The following DNAH6 variants were observed in gnomAD, a reference collection of about 807,000 sequenced individuals.
The protein encoded by DNAH6 is dynein axonemal heavy chain 6.
In DNAH6, 340 loss-of-function variants were observed where a neutral mutation model predicts 491.4. The observed-to-expected ratio is 0.69, with a 90% CI of 0.63 to 0.76. DNAH6 has a LOEUF of 0.76. Among genes scored for constraint, DNAH6 ranks in the 30% least tolerant of loss-of-function variants. DNAH6 has a pLI of 0.00. For missense variants in DNAH6, 4,443 were observed against 4,972.2 expected (o/e 0.89, Z 3.20); for synonymous variants, 1,603 against 1,686.1 (o/e 0.95, Z 1.21).
intron 26 of DNAH6, among the ~76,000 whole-genome samples, chr2:84,621,892 A>G (rs564836948): frequency 6.6e-6 from 1 of 152,320 alleles, no homozygotes; most frequent in South Asian, 2.1e-4. Context: ...CAGTCCAGGA[A>G]AACCTCCAGA....
At chr2:84,658,178 T>C in intron 35 of DNAH6, 114 bp from the exon 36 acceptor site, 1 of 651,646 alleles carries the variant, frequency 1.5e-6, no homozygotes, top group Non-Finnish European at 2.4e-6. Context: ...AGTTATAGCC[T>C]TTGGTCTAAA....
chr2:84,652,956 A>C (rs575683262), intron 33 of DNAH6, among the ~76,000 whole-genome samples: 1 of 151,892 alleles, frequency 6.6e-6, no homozygotes, highest in Non-Finnish European at 1.5e-5. Flanking sequence ...TAAATTTTTA[A>C]GTGAGATATT....
At chr2:84,528,113 G>A (rs1229801249) in intron 3 of DNAH6, among the ~76,000 whole-genome samples, 1 of 152,094 alleles carries the variant, frequency 6.6e-6, no homozygotes, top group Non-Finnish European at 1.5e-5. Flanking sequence ...GGCACTGAGA[G>A]CACAGACAGT....
At chr2:84,720,033 A>T (rs1381484975) in intron 59 of DNAH6, among the ~76,000 whole-genome samples, 2 of 152,126 alleles carry the variant, frequency 1.3e-5, no homozygotes, top group Non-Finnish European at 2.9e-5. Flanking sequence ...GGGGTCTGAG[A>T]GGAGAAGGGC....
At chr2:84,650,316 A>C (rs1189877035) in intron 33 of DNAH6, among the ~76,000 whole-genome samples, 1 of 152,168 alleles carries the variant, frequency 6.6e-6, no homozygotes, top group African/African-American at 2.4e-5. Flanking sequence ...CAGGTCCCCA[A>C]GAGCTTCTCA....
At chr2:84,592,890 A>G (rs768940326) in intron 16 of DNAH6, among the ~76,000 whole-genome samples, 14 of 152,164 alleles carry the variant, frequency 9.2e-5, no homozygotes, top group Admixed American at 2.0e-4. Flanking sequence ...TCAAACTCAT[A>G]TAAGCAGAAA....
chr2:84,777,145 AATGACG>A (rs1676208910), intron 64 of DNAH6: 1 of 163,470 alleles, frequency 6.1e-6, no homozygotes, highest in Non-Finnish European at 1.3e-5. Context: ...ACCCAATGTA[AATGACG>A]AGTTAATGGG....
chr2:84,778,581 C>G (rs1345141964), intron 64 of DNAH6, among the ~76,000 whole-genome samples: 2 of 151,816 alleles, frequency 1.3e-5, no homozygotes, highest in African/African-American at 4.8e-5. Context: ...CTCACTGCAG[C>G]CTCAACCTCC....
intron 33 of DNAH6, among the ~76,000 whole-genome samples, chr2:84,644,855 G>A (rs1689749386): frequency 6.6e-6 from 1 of 152,130 alleles, no homozygotes; most frequent in Non-Finnish European, 1.5e-5. Context: ...TGGGCTTTTA[G>A]GTTGGTTACA....
chr2:84,621,096 T>C, intron 24 of DNAH6, 95 bp from the exon 25 acceptor site: 1 of 1,295,610 alleles, frequency 7.7e-7, no homozygotes, highest in South Asian at 1.4e-5. Context: ...GCTTCAGCGT[T>C]TATGTAGCTT....
intron 37 of DNAH6, among the ~76,000 whole-genome samples, chr2:84,665,729 A>G (rs868132095): frequency 1.8e-4 from 28 of 152,174 alleles, no homozygotes; most frequent in African/African-American, 6.5e-4. Flanking sequence ...AAAAAGAGGG[A>G]ATCCTCCCTA....
intron 57 of DNAH6, among the ~76,000 whole-genome samples, chr2:84,714,744 C>T (rs1355832504): frequency 6.6e-6 from 1 of 151,698 alleles, no homozygotes; most frequent in East Asian, 2.0e-4. Context: ...GTGTATTGCC[C>T]ACAAGACCCA....
chr2:84,630,888 G>A (rs1688333752), intron 29 of DNAH6, among the ~76,000 whole-genome samples: 1 of 152,030 alleles, frequency 6.6e-6, no homozygotes, highest in African/African-American at 2.4e-5. Flanking sequence ...ATAGAATGTT[G>A]GTAATTTTAA....
rs756237010 is a variant in DNAH6 at position 84,557,865 on chromosome 2, G to A, written c.1733G>A (p.Gly578Glu). The change falls in exon 11 of 77, where the codon GGA becomes GAA. Residue 578 changes from glycine (G) to glutamate (E), a missense_variant. By Grantham distance (98) the Gly-to-Glu change is moderately conservative (BLOSUM62 -2). Coordinates refer to ENST00000389394, the MANE Select transcript of DNAH6 (RefSeq NM_001370.2). Reference sequence around the variant, plus strand: ...AACAAACTTGAAGGAAAAACCTGTGGAACTGGGCCAAGTTTAGCAGCAGTA... The same window carrying A: ...AACAAACTTGAAGGAAAAACCTGTGAAACTGGGCCAAGTTTAGCAGCAGTA... ...INNKLEGKTC[G>E]TGPSLAAVFE... 6.5e-5 allele frequency: 105 copies of A among 1,612,604 alleles called. No homozygotes were observed. The South Asian group carries it at 1.1e-3, about 17-fold the overall frequency.
Position 84,577,385 on chromosome 2 carries a change from C to A in DNAH6, c.2053C>A (p.Pro685Thr). ...DTRLLREKLI[P>T]SPLRCLEVLN... The stretch of plus-strand genomic sequence containing the variant: ...TAGGCTTCTAAGAGAAAAATTAATT[C>A]CATCACCTTTGCGATGCTTAGAGGT... The change falls in exon 13 of 77, where the codon CCA becomes ACA. Residue 685 changes from proline to threonine, a missense_variant. Physicochemically the swap from Pro to Thr is conservative, Grantham distance 38. Around this residue, in one of 3 missense-constraint regions of DNAH6, gnomAD observed 2,977 missense variants for 3,296.6 expected, o/e 0.90. Transcript: ENST00000389394. The A allele has an allele frequency of 6.2e-7, 1 of 1,606,390 alleles. No homozygotes were observed. The highest frequency in any genetic ancestry group is 1.1e-5 in the South Asian group (1 of 88,988).
In DNAH6 at chr2:84,624,966, C is replaced by T. The variant is rs1687724176; in HGVS notation, c.4418C>T (p.Pro1473Leu). The T allele has an allele frequency of 6.4e-7, 1 of 1,551,674 alleles. No homozygotes were observed. Among genetic ancestry groups the T allele is most frequent in the Non-Finnish European group, 8.7e-7 (1 of 1,146,930 alleles). ...QLDLGGAPAG[P>L]AGTGKTETTK... ...GACCTTGGGGGTGCACCAGCTGGTC[C>T]TGCTGGCACTGGGAAAACAGAGACT... Residue 1473 changes from proline (P) to leucine (L), a missense_variant, in exon 29 of 77, where the codon CCT becomes CTT. By Grantham distance (98) the Pro-to-Leu change is moderately conservative (BLOSUM62 -3). Transcript: ENST00000389394.
intron 10 of DNAH6, 56 bp downstream of exon 10, chr2:84,553,090 G>A: frequency 1.0e-6 from 1 of 996,270 alleles, no homozygotes; most frequent in Non-Finnish European, 1.5e-6. Context: ...AAATGAAGCA[G>A]CTGTTTTGCT....
the DNAH6 span, among the ~76,000 whole-genome samples, chr2:84,499,889 T>G: frequency 9.7e-4 from 1 of 1,036 alleles, no homozygotes; most frequent in Non-Finnish European, 2.0e-3. Flanking sequence ...GGTTATTAGT[T>G]TTTTTTTTTT....
intron 23 of DNAH6, among the ~76,000 whole-genome samples, chr2:84,617,396 A>G (rs1686964510): frequency 6.6e-6 from 1 of 152,068 alleles, no homozygotes; most frequent in Admixed American, 6.6e-5. Context: ...GCACAATTAA[A>G]TTATTACTAT....
Sources: allele counts gnomAD v4.1 joint callset (sites outside exome capture counted in the v4.1 genomes callset), GRCh38; gene constraint gnomAD v4.1.1; regional missense constraint gnomAD v4.1.1; transcripts MANE v1.5; gene names NCBI Gene and HGNC (gene_info 2026-07-23, HGNC 2026-07-21).